The following IL2RB variants were observed in gnomAD, a reference collection of about 807,000 sequenced individuals.
IL2RB encodes the protein interleukin-2 receptor subunit beta.
A neutral mutation model predicts 44.2 loss-of-function variants in IL2RB; 17 were observed. The observed-to-expected ratio is 0.38, with a 90% CI of 0.26 to 0.58. IL2RB has a LOEUF of 0.58. IL2RB is among the 20% of genes least tolerant of loss of function. IL2RB has a pLI of 0.63. For missense variants in IL2RB, 624 were observed against 685.5 expected (o/e 0.91, Z 1.00); for synonymous variants, 286 against 297.9 (o/e 0.96, Z 0.41).
At chr22:37,152,737 G>T (rs1922539519), upstream of IL2RB, among the ~76,000 whole-genome samples, 2 of 151,926 alleles carry the variant, frequency 1.3e-5, no homozygotes, top group African/African-American at 4.8e-5. Context: ...TGGGAGCTCA[G>T]CTCAGGGCTC....
At chr22:37,138,265 T>G (rs1921803237) in intron 5 of IL2RB, among the ~76,000 whole-genome samples, 1 of 152,228 alleles carries the variant, frequency 6.6e-6, no homozygotes, top group Non-Finnish European at 1.5e-5. Context: ...GTTTCTATAC[T>G]TCTAAGACTC....
intron 1 of IL2RB, chr22:37,162,034 T>A (rs1226953623): frequency 6.6e-6 from 1 of 152,258 alleles, no homozygotes; most frequent in Non-Finnish European, 1.5e-5. Flanking sequence ...CCTTTTCTAA[T>A]GACAGTAGCC....
intron 1 of IL2RB, among the ~76,000 whole-genome samples, chr22:37,147,128 C>T (rs531657537): frequency 1.3e-5 from 2 of 152,338 alleles, no homozygotes; most frequent in Admixed American, 1.3e-4. Context: ...TCTGCCACCC[C>T]CTTAGTCACA....
rs761376327 is a variant in IL2RB, at chr22:37,137,622, C to T, written c.502G>A (p.Glu168Lys). 8.1e-6 allele frequency: 13 copies of T among 1,614,192 alleles called. No homozygotes were observed. The highest frequency in any genetic ancestry group is 6.7e-5 in the Admixed American group (4 of 60,024). Reference protein sequence around the residue: ...SHYFERHLEFEARTLSPGHTW... With the variant: ...SHYFERHLEFKARTLSPGHTW... ...TGGCCTGGGGACAGCGTCCGGGCCT[C>T]GAACTCCAGGTGTCTTTCAAAGTAG... Residue 168 changes from glutamate to lysine, a missense_variant, in exon 6 of 10, where the codon GAG (glutamate) becomes AAG (lysine). Physicochemically the swap from Glu to Lys is moderately conservative, Grantham distance 56. Coordinates refer to ENST00000216223, the MANE Select transcript of IL2RB (RefSeq NM_000878.5).
At position 37,141,842 on chromosome 22, in the gene IL2RB, T is replaced by C. The variant is rs1921981297; in HGVS notation, c.282+592A>G. 6.6e-6 allele frequency among the ~76,000 whole-genome samples: 1 copy of C among 152,172 alleles called. No homozygotes were observed. The highest frequency in any genetic ancestry group is 1.5e-5 in the Non-Finnish European group (1 of 68,004). On this transcript the variant is annotated intron_variant, in intron 4 of 9. Transcript: ENST00000216223. The surrounding 1 kb of genome is among the most constrained non-coding windows in gnomAD (Gnocchi z 4.4). ...CAGGTGCCCCTTGGCCCGAGCAGCC[T>C]GGGCAGAAGGAGGCGGGTCCCTGGT...
chr22:37,167,578 C>T (rs74606831), intron 1 of IL2RB, among the ~76,000 whole-genome samples: 1 of 152,286 alleles, frequency 6.6e-6, no homozygotes, highest in East Asian at 1.9e-4. Flanking sequence ...TCTTCCCTGC[C>T]TCGAGCCCCT....
chr22:37,128,076 C>T lies in IL2RB; in HGVS notation c.*20G>A. ...CGGCGCAGAGCAGGCAGCTGCCTGC[C>T]TCCCACCCTGGCCATCTGTCTACAC... On this transcript the variant is annotated 3_prime_UTR_variant, in exon 10 of 10. Coordinates refer to ENST00000216223, the MANE Select transcript of IL2RB (RefSeq NM_000878.5). The surrounding 1 kb of genome is among the most constrained non-coding windows in gnomAD (Gnocchi z 4.5). 2 of 1,505,074 alleles carry T rather than the reference C, an allele frequency of 1.3e-6. No homozygotes were observed. The highest frequency in any genetic ancestry group is 8.8e-7 in the Non-Finnish European group (1 of 1,132,644). The allele number at this position is 1,505,074 out of a possible 1,614,324, so 93.2% of individuals were successfully genotyped here.
At chr22:37,167,383 T>A (rs909866687) in intron 1 of IL2RB, among the ~76,000 whole-genome samples, 1 of 152,138 alleles carries the variant, frequency 6.6e-6, no homozygotes, top group African/African-American at 2.4e-5. Context: ...CTGAGTCCCA[T>A]GCCCTCTGCC....
chr22:37,131,403 G>T (rs925664245), intron 9 of IL2RB, among the ~76,000 whole-genome samples: 2 of 152,096 alleles, frequency 1.3e-5, no homozygotes, highest in African/African-American at 2.4e-5. Context: ...TGGGGCTAGG[G>T]TGGTAAAAAG....
At chr22:37,132,030 A>G (rs1921456721) in intron 9 of IL2RB, among the ~76,000 whole-genome samples, 1 of 152,146 alleles carries the variant, frequency 6.6e-6, no homozygotes, top group Admixed American at 6.6e-5. Context: ...CACTGCACCC[A>G]GCCTGATAGG....
chr22:37,167,869 A>T (rs1445626651), intron 1 of IL2RB, among the ~76,000 whole-genome samples: 1 of 151,206 alleles, frequency 6.6e-6, no homozygotes, highest in Non-Finnish European at 1.5e-5. Context: ...TTATTGAAAG[A>T]TGGGAAGCAA....
Position 37,127,726 on chromosome 22 carries a change from A to C in IL2RB, c.*370T>G. ...GAGGCTGGGGCAGAAAACCCAGGGAAGAGGTCAGGGCAGGGAGCCCTGGAG... is the reference window on the plus strand; with the variant it reads ...GAGGCTGGGGCAGAAAACCCAGGGACGAGGTCAGGGCAGGGAGCCCTGGAG... On this transcript the variant is annotated 3_prime_UTR_variant, in exon 10 of 10. Transcript: ENST00000216223. The C allele has an allele frequency of 1.8e-5, 3 of 163,348 alleles. No homozygotes were observed. The highest frequency in any genetic ancestry group is 1.3e-5 in the Non-Finnish European group (1 of 75,668). 10.1% of individuals were successfully genotyped at this position (163,348 alleles called of 1,614,324 possible).
At chr22:37,132,499 G>T in intron 8 of IL2RB, 31 bp from the exon 9 acceptor site, 1 of 1,567,094 alleles carries the variant, frequency 6.4e-7, no homozygotes, top group Non-Finnish European at 8.8e-7. Context: ...AAGGAGGAGG[G>T]TGAGAAAGGG....
chr22:37,144,088 T>G lies in IL2RB; in HGVS notation c.85A>C (p.Asn29His). The G allele has an allele frequency of 1.3e-6, 2 of 1,552,100 alleles. No individual in the cohort carries two copies. Residue 29 changes from asparagine (N) to histidine (H), a missense_variant, in exon 2 of 10, where the codon AAT becomes CAT. By Grantham distance (68) the Asn-to-His change is moderately conservative. Transcript: ENST00000216223. Reference protein sequence around the residue: ...LATSWASAAVNGTSQFTCFYN... With the variant: ...LATSWASAAVHGTSQFTCFYN... ...GTTCAGATGTCAGGGTCCTCACCAT[T>G]CACCGCTGCAGATGCCCAAGAGGTA...
chr22:37,136,013 G>C (rs546003142), intron 7 of IL2RB, among the ~76,000 whole-genome samples: 60 of 152,148 alleles, frequency 3.9e-4, no homozygotes, highest in African/African-American at 1.3e-3. Flanking sequence ...ACAGCCTTTC[G>C]ACCCCTCCCC....
At chr22:37,147,586 C>T (rs547844003) in intron 1 of IL2RB, among the ~76,000 whole-genome samples, 4 of 152,228 alleles carry the variant, frequency 2.6e-5, no homozygotes, top group African/African-American at 4.8e-5. Context: ...CTAACTTGCC[C>T]AGGGTCATAA....
Position 37,149,912 on chromosome 22 carries a change from G to A in IL2RB, c.-121C>T. On this transcript the variant is annotated 5_prime_UTR_variant, in exon 1 of 10. Transcript: ENST00000216223. Reference sequence around the variant, plus strand: ...GGCCATCTCTCCAGGGCCCTGCTGAGCTCTGGCTGCTGGGGCCGCAAAGAC... The same window carrying A: ...GGCCATCTCTCCAGGGCCCTGCTGAACTCTGGCTGCTGGGGCCGCAAAGAC... The A allele has an allele frequency of 1.0e-6, 1 of 985,558 alleles. No individual in the cohort carries two copies. Among genetic ancestry groups the A allele is most frequent in the South Asian group, 4.7e-5 (1 of 21,284 alleles). 61.1% of individuals were successfully genotyped at this position (985,558 alleles called of 1,614,324 possible).
intron 1 of IL2RB, among the ~76,000 whole-genome samples, chr22:37,172,182 G>A (rs953147789): frequency 3.6e-5 from 5 of 138,528 alleles, no homozygotes; most frequent in Non-Finnish European, 6.0e-5. Flanking sequence ...CTGGTTGTGA[G>A]CAAGAAAACT....
chr22:37,168,727 G>T (rs115788013), intron 1 of IL2RB, among the ~76,000 whole-genome samples: 2,115 of 152,294 alleles, frequency 0.014, 48 homozygotes, highest in African/African-American at 0.049. Flanking sequence ...GAGAGAAAGG[G>T]CCCAAGACAG....
Sources: gnomAD v4.1 joint callset for allele counts (sites outside exome capture counted in the v4.1 genomes callset) on GRCh38, gnomAD v4.1.1 for gene constraint, Gnocchi (gnomAD v3.1) non-coding constraint, MANE v1.5 for transcripts, NCBI Gene and HGNC (gene_info 2026-07-23, HGNC 2026-07-21) for gene names.